The following MACROD2 variants were observed in gnomAD, a reference collection of about 807,000 sequenced individuals.
The protein encoded by MACROD2 is mono-ADP ribosylhydrolase 2, also known as ADP-ribose glycohydrolase MACROD2.
A neutral mutation model predicts 70.4 loss-of-function variants in MACROD2; 36 were observed. That is an observed-to-expected ratio of 0.51 (90% CI 0.39 to 0.68). The LOEUF is 0.68. MACROD2 is among the 30% of genes least tolerant of loss of function. The probability of loss-of-function intolerance (pLI) is 0.00; values close to 1 mark genes in which losing one functional copy is unlikely to be tolerated. For synonymous variants in MACROD2, 172 were observed against 178.8 expected (o/e 0.96, Z 0.30); for missense variants, 496 against 538.4 (o/e 0.92, Z 0.78).
intron 2 of MACROD2, among the ~76,000 whole-genome samples, chr20:14,031,379 G>T (rs113949201): frequency 0.023 from 3,524 of 152,214 alleles, 54 homozygotes; most frequent in Non-Finnish European, 0.039. Context: ...GCTTAAATAT[G>T]CTGACATCTG....
intron 6 of MACROD2, among the ~76,000 whole-genome samples, chr20:15,417,616 AGAAAG>A (rs1295115293): frequency 1.1e-4 from 11 of 100,598 alleles, no homozygotes; most frequent in Non-Finnish European, 2.5e-4. Flanking sequence ...AAAAAAAAAA[AGAAAG>A]AAAGAAAGAA....
intron 7 of MACROD2, among the ~76,000 whole-genome samples, chr20:15,486,462 T>C (rs1260011964): frequency 6.6e-6 from 1 of 152,168 alleles, no homozygotes; most frequent in Non-Finnish European, 1.5e-5. Flanking sequence ...ACTTGTGCAG[T>C]TTAGTCTTCA....
At chr20:15,833,551 T>C (rs1388922059) in intron 8 of MACROD2, among the ~76,000 whole-genome samples, 1 of 152,146 alleles carries the variant, frequency 6.6e-6, no homozygotes, top group Non-Finnish European at 1.5e-5. Flanking sequence ...GTTCCTAATA[T>C]GAAGGATTGA....
intron 8 of MACROD2, among the ~76,000 whole-genome samples, chr20:15,578,127 A>T (rs1465531907): frequency 6.6e-6 from 1 of 152,184 alleles, no homozygotes; most frequent in Non-Finnish European, 1.5e-5. Context: ...GCCACTGTTC[A>T]TATTAATCTG....
At chr20:15,670,673 G>T (rs1396078569) in intron 8 of MACROD2, among the ~76,000 whole-genome samples, 1 of 152,106 alleles carries the variant, frequency 6.6e-6, no homozygotes, top group African/African-American at 2.4e-5. Flanking sequence ...AACATGCCTT[G>T]GGAAATAGAA....
intron 9 of MACROD2, among the ~76,000 whole-genome samples, chr20:15,880,301 T>G (rs6131735): frequency 0.056 from 8,563 of 152,098 alleles, 391 homozygotes; most frequent in East Asian, 0.24. Context: ...TAGTTTTATT[T>G]CCTTAAAAAC....
chr20:15,544,696 C>T (rs1439506397), intron 8 of MACROD2, among the ~76,000 whole-genome samples: 1 of 152,174 alleles, frequency 6.6e-6, no homozygotes, highest in African/African-American at 2.4e-5. Context: ...CCTAGTGTAA[C>T]TTAGGGCAGA....
intron 6 of MACROD2, among the ~76,000 whole-genome samples, chr20:15,374,753 ATTGCATT>A (rs2045540320): frequency 6.6e-6 from 1 of 152,190 alleles, no homozygotes; most frequent in Admixed American, 6.5e-5. Context: ...TACGTACATC[ATTGCATT>A]TATAACTATC....
chr20:14,296,071 A>C (rs1053736840), intron 3 of MACROD2, among the ~76,000 whole-genome samples: 6 of 151,848 alleles, frequency 4.0e-5, no homozygotes, highest in African/African-American at 1.5e-4. Context: ...CATGTAAATA[A>C]CCATGCATTT....
intron 5 of MACROD2, among the ~76,000 whole-genome samples, chr20:14,824,407 G>C (rs1396813819): frequency 2.0e-5 from 3 of 152,030 alleles, no homozygotes; most frequent in Non-Finnish European, 2.9e-5. Flanking sequence ...TTATTGATTT[G>C]CTCATAATTC....
intron 8 of MACROD2, among the ~76,000 whole-genome samples, chr20:15,565,908 G>T (rs1051267021): frequency 6.6e-6 from 1 of 151,810 alleles, no homozygotes; most frequent in Non-Finnish European, 1.5e-5. Context: ...GCCACACTGG[G>T]TTTGCAGTTA....
intron 8 of MACROD2, among the ~76,000 whole-genome samples, chr20:15,600,888 T>C (rs908070802): frequency 1.3e-5 from 2 of 152,210 alleles, no homozygotes; most frequent in African/African-American, 4.8e-5. Context: ...TCTTTTATGT[T>C]GCAACTAGAA....
intron 4 of MACROD2, among the ~76,000 whole-genome samples, chr20:14,546,730 T>G (rs568412419): frequency 1.3e-5 from 2 of 152,276 alleles, no homozygotes; most frequent in Non-Finnish European, 2.9e-5. Context: ...CCATCTTTTA[T>G]TCTCTCAACT....
At chr20:14,592,151 G>C (rs541975889) in intron 4 of MACROD2, among the ~76,000 whole-genome samples, 1 of 152,110 alleles carries the variant, frequency 6.6e-6, no homozygotes. Context: ...GGAGTTCCTC[G>C]AGAACAAAAC....
In MACROD2 at chr20:14,582,242, A is replaced by G. The variant is rs1349831876; in HGVS notation, c.301+88734A>G. Among the ~76,000 whole-genome samples the G allele has an allele frequency of 2.0e-5, 3 of 152,058 alleles. No individual in the cohort carries two copies. In the East Asian group the frequency reaches 5.8e-4, roughly 29 times the overall value. Reference sequence around the variant, plus strand: ...TGTTTTAGTGCATGCTCCCTTCTCTATTGTGTTTTTAAAATCACGTTATTT... The same window carrying G: ...TGTTTTAGTGCATGCTCCCTTCTCTGTTGTGTTTTTAAAATCACGTTATTT... On this transcript the variant is annotated intron_variant, in intron 4 of 17. Transcript: ENST00000684519.
intron 3 of MACROD2, among the ~76,000 whole-genome samples, chr20:14,157,260 T>C (rs1463890235): frequency 1.3e-5 from 2 of 152,108 alleles, no homozygotes; most frequent in South Asian, 2.1e-4. Flanking sequence ...TCATCCTCTT[T>C]TTCAAAATTG....
chr20:14,752,452 T>A (rs1478504068), intron 5 of MACROD2, among the ~76,000 whole-genome samples: 1 of 152,032 alleles, frequency 6.6e-6, no homozygotes, highest in African/African-American at 2.4e-5. Flanking sequence ...GCCTAAATAG[T>A]CCTGGAATGT....
At chr20:15,717,732 G>A (rs913107436) in intron 8 of MACROD2, among the ~76,000 whole-genome samples, 1 of 152,186 alleles carries the variant, frequency 6.6e-6, no homozygotes, top group South Asian at 2.1e-4. Context: ...TGCATTGGGT[G>A]AATGGAGGAC....
chr20:14,664,584 G>A (rs2070716547), intron 4 of MACROD2, among the ~76,000 whole-genome samples: 2 of 152,016 alleles, frequency 1.3e-5, no homozygotes. Context: ...ATACCTGAAA[G>A]ATGCACCATC....
Sources: gnomAD v4.1 joint callset for allele counts (sites outside exome capture counted in the v4.1 genomes callset) on GRCh38, gnomAD v4.1.1 for gene constraint, MANE v1.5 for transcripts, NCBI Gene and HGNC (gene_info 2026-07-23, HGNC 2026-07-21) for gene names.